ADGRF5: variants seen among roughly 807,000 people sequenced by gnomAD.
The protein encoded by ADGRF5 is G-protein coupled receptor 116.
In ADGRF5, 75 loss-of-function variants were observed where a neutral mutation model predicts 132.3. That is an observed-to-expected ratio of 0.57 (90% confidence interval 0.47 to 0.69). The LOEUF is 0.69. Among genes scored for constraint, ADGRF5 ranks in the 30% least tolerant of loss-of-function variants. ADGRF5 has a pLI of 0.00. For missense variants in ADGRF5, 1,516 were observed against 1,630.6 expected (o/e 0.93, Z 1.21); for synonymous variants, 629 against 597.6 (o/e 1.05, Z -0.77).
chr6:46,854,112 T>A (rs374789760), intron 20 of ADGRF5, 41 bp from the exon 21 acceptor site: 2 of 1,432,264 alleles, frequency 1.4e-6, no homozygotes, highest in African/African-American at 2.9e-5. Flanking sequence ...AGACAAGCCA[T>A]CATGAACTCT....
rs1251252490 is a variant in ADGRF5 at position 46,852,690 on chromosome 6, C to G, written c.*1302G>C. Reference sequence around the variant, plus strand: ...CAAACAATCAAATCCTTGGGAAAGGCTCTGCCATTTGTTCAACAAGGTCAA... The same window carrying G: ...CAAACAATCAAATCCTTGGGAAAGGGTCTGCCATTTGTTCAACAAGGTCAA... On this transcript the variant is annotated 3_prime_UTR_variant, in exon 21 of 21. Coordinates refer to ENST00000283296, the MANE Select transcript of ADGRF5 (RefSeq NM_001098518.2). 1 of 152,188 alleles carries G rather than the reference C, an allele frequency of 6.6e-6. No individual in the cohort carries two copies. Among genetic ancestry groups the G allele is most frequent in the African/African-American group, 2.4e-5 (1 of 41,434 alleles). 9.4% of individuals were successfully genotyped at this position (152,188 alleles called of 1,614,324 possible).
In ADGRF5 at chr6:46,878,359, G is replaced by T; in HGVS notation, c.1083C>A (p.Cys361Ter). ...KLILDIFEYE[C>*]KKKIDVMPIQ... is the part of the protein sequence containing the mutation. The stretch of plus-strand genomic sequence containing the variant: ...TGGGCATAACATCTATTTTCTTCTT[G>T]CACTCATATTCAAAAATGTCTAATA... Residue 361 changes from cysteine (C) to a stop codon, truncating the protein, a stop_gained, in exon 10 of 21, where the codon TGC becomes TGA. Transcript: ENST00000283296. LOFTEE classifies it high-confidence loss of function. 1 of 1,612,082 alleles carries T rather than the reference G, an allele frequency of 6.2e-7. No individual in the cohort carries two copies. The highest frequency in any genetic ancestry group is 1.1e-5 in the South Asian group (1 of 91,042).
chr6:46,914,845 T>C (rs1047073947), intron 1 of ADGRF5, among the ~76,000 whole-genome samples: 1 of 151,828 alleles, frequency 6.6e-6, no homozygotes, highest in Non-Finnish European at 1.5e-5. Flanking sequence ...GTTGTTTGTT[T>C]TTATTTTTTT....
intron 1 of ADGRF5, among the ~76,000 whole-genome samples, chr6:46,917,156 A>C (rs1776488394): frequency 6.6e-6 from 1 of 152,256 alleles, no homozygotes; most frequent in African/African-American, 2.4e-5. Context: ...GAGAAGTATC[A>C]TCATCTTCAT....
chr6:46,883,628 G>A lies in ADGRF5; in HGVS notation c.543C>T (p.Gly181=). ...AAGTGTTCATGAGGTCTTCTTGAAA[G>A]CCTACATTTAGTCTGACTCTCATGT... The part of the protein sequence containing the change: ...TLNMRVRLNV[G]FQEDLMNTSS... Residue 181 remains glycine (G), a synonymous_variant, in exon 6 of 21, where the codon GGC becomes GGT. Coordinates refer to ENST00000283296, the MANE Select transcript of ADGRF5 (RefSeq NM_001098518.2). 1 of 1,603,250 alleles carries A rather than the reference G, an allele frequency of 6.2e-7. No homozygotes were observed. The highest frequency in any genetic ancestry group is 1.1e-5 in the South Asian group (1 of 89,372).
chr6:46,873,864 C>T (rs220674), intron 10 of ADGRF5, among the ~76,000 whole-genome samples: 111,789 of 152,074 alleles, frequency 0.74, 41,753 homozygotes, highest in Non-Finnish European at 0.8. Flanking sequence ...ACAAAAAATC[C>T]TAAATTACTT....
intron 1 of ADGRF5, among the ~76,000 whole-genome samples, chr6:46,945,930 C>T (rs1278751256): frequency 2.0e-5 from 3 of 152,158 alleles, no homozygotes; most frequent in Non-Finnish European, 2.9e-5. Flanking sequence ...TCTCATGAGA[C>T]GTATTCACCA....
In ADGRF5 at chr6:46,879,748, C is replaced by T. The variant is rs948013426; in HGVS notation, c.1036+70G>A. 5 of 1,029,934 alleles carry T rather than the reference C, an allele frequency of 4.9e-6. No homozygotes were observed. In the African/African-American group the frequency reaches 7.8e-5, roughly 16 times the overall value. The allele number at this position is 1,029,934 out of a possible 1,614,324, so 63.8% of individuals were successfully genotyped here. A position where few individuals can be genotyped will look rare whatever the true frequency, so the allele number is the denominator to read the frequency against. ...ACTATCTACATAGCTACGTAAAACA[C>T]TATTACATATTTGCTTCTTTATAAG... On this transcript the variant is annotated intron_variant, in intron 9 of 20. Coordinates refer to ENST00000283296, the MANE Select transcript of ADGRF5 (RefSeq NM_001098518.2).
chr6:46,856,934 G>C, intron 17 of ADGRF5, 26 bp from the exon 18 acceptor site: 2 of 1,571,730 alleles, frequency 1.3e-6, no homozygotes, highest in Non-Finnish European at 1.7e-6. Flanking sequence ...TTGAAAAGAA[G>C]TGCATTTTAA....
intron 1 of ADGRF5, among the ~76,000 whole-genome samples, chr6:46,916,043 G>A (rs570716361): frequency 3.3e-5 from 5 of 152,068 alleles, no homozygotes; most frequent in South Asian, 2.1e-4. Context: ...CTCACTGTGC[G>A]CCCTGCCAAA....
intron 3 of ADGRF5, among the ~76,000 whole-genome samples, chr6:46,892,175 C>T (rs1252598004): frequency 2.0e-5 from 3 of 149,074 alleles, no homozygotes; most frequent in African/African-American, 7.4e-5. Context: ...CACACACACA[C>T]ACACACACAC....
intron 1 of ADGRF5, among the ~76,000 whole-genome samples, chr6:46,915,540 A>G (rs553634396): frequency 2.6e-5 from 4 of 152,224 alleles, no homozygotes; most frequent in African/African-American, 7.2e-5. Context: ...AGTAATTGGC[A>G]GGGCCACCTT....
At chr6:46,919,914 T>C (rs964396399) in intron 1 of ADGRF5, among the ~76,000 whole-genome samples, 7 of 152,248 alleles carry the variant, frequency 4.6e-5, no homozygotes, top group Admixed American at 4.6e-4. Flanking sequence ...TATTAACTTG[T>C]TCATAGTGAT....
At chr6:46,890,850 T>C (rs1319024485) in intron 3 of ADGRF5, among the ~76,000 whole-genome samples, 1 of 152,240 alleles carries the variant, frequency 6.6e-6, no homozygotes, top group African/African-American at 2.4e-5. Context: ...GCAAAAAATT[T>C]TCCCATAATA....
intron 20 of ADGRF5, among the ~76,000 whole-genome samples, chr6:46,855,764 T>C (rs1768962324): frequency 6.6e-6 from 1 of 152,204 alleles, no homozygotes; most frequent in East Asian, 1.9e-4. Flanking sequence ...CTTTATGAGT[T>C]ATTATAAGTT....
At chr6:46,898,562 A>T (rs1423737811) in intron 3 of ADGRF5, among the ~76,000 whole-genome samples, 1 of 152,104 alleles carries the variant, frequency 6.6e-6, no homozygotes, top group Non-Finnish European at 1.5e-5. Context: ...AAAGAAAGGG[A>T]AGAGAAAGGG....
intron 3 of ADGRF5, among the ~76,000 whole-genome samples, chr6:46,888,830 T>C (rs540711913): frequency 1.3e-5 from 2 of 152,250 alleles, no homozygotes; most frequent in African/African-American, 2.4e-5. Context: ...GTGTTTCATC[T>C]GCAGTATGCA....
intron 15 of ADGRF5, among the ~76,000 whole-genome samples, chr6:46,861,181 G>A (rs1194239377): frequency 6.6e-6 from 1 of 152,186 alleles, no homozygotes; most frequent in Non-Finnish European, 1.5e-5. Context: ...AGAGAAGTAG[G>A]TTAAAGTTGG....
At chr6:46,921,111 C>T (rs1390910765) in intron 1 of ADGRF5, among the ~76,000 whole-genome samples, 1 of 152,174 alleles carries the variant, frequency 6.6e-6, no homozygotes. Flanking sequence ...GGCCCTGAAG[C>T]CCCAGCACTT....
Sources: gnomAD v4.1 joint callset for allele counts (sites outside exome capture counted in the v4.1 genomes callset) on GRCh38, gnomAD v4.1.1 for gene constraint, MANE v1.5 for transcripts, NCBI Gene and HGNC (gene_info 2026-07-23, HGNC 2026-07-21) for gene names.